ANKIB1: variants seen among roughly 807,000 people sequenced by gnomAD.
ANKIB1 encodes ankyrin repeat and IBR domain-containing protein 1.
A neutral mutation model predicts 122.1 loss-of-function variants in ANKIB1; 43 were observed. That is an observed-to-expected ratio of 0.35 (90% confidence interval 0.28 to 0.45). The LOEUF (loss-of-function observed/expected upper bound fraction) is 0.45. Among genes scored for constraint, ANKIB1 ranks in the 20% least tolerant of loss-of-function variants. The pLI, the probability that ANKIB1 is intolerant of heterozygous loss-of-function variation, is 1.00. For synonymous variants in ANKIB1, 390 were observed against 442.0 expected, an observed-to-expected ratio of 0.88 and a Z score of 1.48; for missense variants, 992 against 1,329.5, an observed-to-expected ratio of 0.75 and a Z score of 3.95.
chr7:92,383,029 A>G (rs1389219359), intron 11 of ANKIB1, among the ~76,000 whole-genome samples: 3 of 152,204 alleles, frequency 2.0e-5, no homozygotes, highest in Non-Finnish European at 4.4e-5. Context: ...GAAGAATCCA[A>G]TAGATGCAAT....
intron 1 of ANKIB1, among the ~76,000 whole-genome samples, chr7:92,289,426 A>G (rs1802202114): frequency 6.6e-6 from 1 of 152,248 alleles, no homozygotes; most frequent in Admixed American, 6.5e-5. Flanking sequence ...CTGCTGGTTT[A>G]CAGTTGAGGA....
At chr7:92,379,633 G>A (rs749632170) in intron 11 of ANKIB1, among the ~76,000 whole-genome samples, 2 of 152,168 alleles carry the variant, frequency 1.3e-5, no homozygotes, top group Non-Finnish European at 2.9e-5. Context: ...AGAAACATGA[G>A]TTATTTAAAT....
At chr7:92,353,158 A>C (rs1041746015) in intron 9 of ANKIB1, among the ~76,000 whole-genome samples, 1 of 152,206 alleles carries the variant, frequency 6.6e-6, no homozygotes, top group African/African-American at 2.4e-5. Flanking sequence ...CCTAACAAGT[A>C]AGATTTTGAT....
intron 10 of ANKIB1, 70 bp from the exon 11 acceptor site, chr7:92,371,407 G>C: frequency 3.7e-6 from 5 of 1,360,374 alleles, no homozygotes; most frequent in Middle Eastern, 1.9e-4. Context: ...AAAGTGTGGA[G>C]GGTTTTTTTT....
chr7:92,307,729 T>C (rs1802592482), intron 3 of ANKIB1, 73 bp downstream of exon 3: 1 of 1,262,126 alleles, frequency 7.9e-7, no homozygotes, highest in Non-Finnish European at 1.0e-6. Context: ...GTCAGGTTTT[T>C]TTTTTTTTGA....
At position 92,399,915 on chromosome 7, in the gene ANKIB1, C is replaced by T. The variant is rs1804981953; in HGVS notation, c.*966C>T. ...ACTGATGGGTGCAATTACTTTTAAT[C>T]GTGTTTTATAAAATAGAAAAAAAGT... On this transcript the variant is annotated 3_prime_UTR_variant, in exon 20 of 20. Transcript: ENST00000265742. 2.0e-5 allele frequency: 3 copies of T among 152,022 alleles called. No individual in the cohort carries two copies. The highest frequency in any genetic ancestry group is 6.6e-5 in the Admixed American group (1 of 15,266). The allele number at this position is 152,022 out of a possible 1,614,324, so 9.4% of individuals were successfully genotyped here. A position where few individuals can be genotyped will look rare whatever the true frequency, so the allele number is the denominator to read the frequency against.
intron 1 of ANKIB1, among the ~76,000 whole-genome samples, chr7:92,247,246 C>T (rs1665519338): frequency 6.6e-6 from 1 of 152,144 alleles, no homozygotes; most frequent in African/African-American, 2.4e-5. Flanking sequence ...AGATAAGAGT[C>T]TGCTGTTTCA....
rs531822513 is a variant in ANKIB1, at chr7:92,307,764, T to C, written c.486+108T>C. On this transcript the variant is annotated intron_variant, in intron 3 of 19. Coordinates refer to ENST00000265742, the MANE Select transcript of ANKIB1 (RefSeq NM_019004.2). ...ATTGTCTTAGTAATTTGGTCATTTT[T>C]TTTCTCTTTTGTCTTCTAAAAGACC... The C allele has an allele frequency of 7.3e-5, 68 of 934,204 alleles. No homozygotes were observed. The East Asian group carries it at 2.0e-3, about 27-fold the overall frequency. 57.9% of individuals were successfully genotyped at this position (934,204 alleles called of 1,614,324 possible). A position where few individuals can be genotyped will look rare whatever the true frequency, so the allele number is the denominator to read the frequency against.
At position 92,378,373 on chromosome 7, in the gene ANKIB1, A is replaced by G. The variant is rs138302149; in HGVS notation, c.1617+6766A>G. 2.9e-3 allele frequency among the ~76,000 whole-genome samples: 440 copies of G among 151,932 alleles called. 4 individuals carry two copies. Among genetic ancestry groups the G allele is most frequent in the African/African-American group, 0.01 (418 of 41,418 alleles). ...TTTTAGATTAGGGATGCTTCCACCTATATAAGAATGGTTCAGTATTAGGAA... is the reference window on the plus strand; with the variant it reads ...TTTTAGATTAGGGATGCTTCCACCTGTATAAGAATGGTTCAGTATTAGGAA... On this transcript the variant is annotated intron_variant, in intron 11 of 19. Coordinates refer to ENST00000265742, the MANE Select transcript of ANKIB1 (RefSeq NM_019004.2).
chr7:92,338,702 A>G (rs914610835), intron 5 of ANKIB1, among the ~76,000 whole-genome samples: 1 of 150,970 alleles, frequency 6.6e-6, no homozygotes, highest in Admixed American at 6.6e-5. Flanking sequence ...ACCTGAGGTC[A>G]GGAGTTCAAG....
chr7:92,270,633 A>T (rs758790490), intron 1 of ANKIB1, among the ~76,000 whole-genome samples: 1 of 150,690 alleles, frequency 6.6e-6, no homozygotes, highest in Non-Finnish European at 1.5e-5. Flanking sequence ...CAGTTCTGTC[A>T]CCCCAAGAAA....
rs116492966 is a variant in ANKIB1 at position 92,354,943 on chromosome 7, C to T, written c.1397+2301C>T. 3.7e-3 allele frequency among the ~76,000 whole-genome samples: 559 copies of T among 152,300 alleles called. 4 individuals carry two copies. Among genetic ancestry groups the T allele is most frequent in the African/African-American group, 0.013 (532 of 41,564 alleles). ...TAAAGATGACTACAAAAACAACAAACGACAATAATAATTTCTTCTTTTCAA... is the reference window on the plus strand; with the variant it reads ...TAAAGATGACTACAAAAACAACAAATGACAATAATAATTTCTTCTTTTCAA... On this transcript the variant is annotated intron_variant, in intron 9 of 19. Coordinates refer to ENST00000265742, the MANE Select transcript of ANKIB1 (RefSeq NM_019004.2).
At chr7:92,321,723 A>C (rs1428495047) in intron 4 of ANKIB1, among the ~76,000 whole-genome samples, 1 of 152,190 alleles carries the variant, frequency 6.6e-6, no homozygotes, top group East Asian at 1.9e-4. Flanking sequence ...TATTTTCCCC[A>C]TGGATTCCCA....
At chr7:92,264,395 A>T (rs546647634) in intron 1 of ANKIB1, among the ~76,000 whole-genome samples, 51 of 147,292 alleles carry the variant, frequency 3.5e-4, no homozygotes, top group South Asian at 1.9e-3. Context: ...GTCAATAAAA[A>T]TTTTTTTTTT....
At chr7:92,360,890 G>T (rs1803928258) in intron 9 of ANKIB1, among the ~76,000 whole-genome samples, 1 of 151,640 alleles carries the variant, frequency 6.6e-6, no homozygotes, top group Non-Finnish European at 1.5e-5. Flanking sequence ...CTCGAAATGG[G>T]GTCTTGCTCT....
At chr7:92,298,392 A>G (rs1363582744) in intron 2 of ANKIB1, among the ~76,000 whole-genome samples, 1 of 151,998 alleles carries the variant, frequency 6.6e-6, no homozygotes, top group Non-Finnish European at 1.5e-5. Context: ...AATGTATTTA[A>G]GTATTATTAT....
chr7:92,291,694 A>C (rs952927883), intron 1 of ANKIB1, among the ~76,000 whole-genome samples: 43 of 149,776 alleles, frequency 2.9e-4, no homozygotes, highest in Admixed American at 4.7e-4. Flanking sequence ...CTCCTGCCGC[A>C]GCCGCCTGAT....
chr7:92,270,667 A>G lies in ANKIB1; in HGVS notation c.-91+24148A>G, dbSNP rs1272349465. Among the ~76,000 whole-genome samples the G allele has an allele frequency of 4.7e-5, 7 of 150,456 alleles. No individual in the cohort carries two copies. The East Asian group carries it at 1.4e-3, about 30-fold the overall frequency. On this transcript the variant is annotated intron_variant, in intron 1 of 19. Coordinates refer to ENST00000265742, the MANE Select transcript of ANKIB1 (RefSeq NM_019004.2). ...AAACTCCCTTGTCCTGTCCCTGTAT[A>G]GTCGTACCCTCTGCCACTCGCTAGC...
At chr7:92,260,934 T>TA (rs1220631600) in intron 1 of ANKIB1, among the ~76,000 whole-genome samples, 5 of 152,212 alleles carry the variant, frequency 3.3e-5, no homozygotes, top group Admixed American at 6.5e-5. Flanking sequence ...CTCTGAGAAG[T>TA]ACACTTGAAA....
Sources: allele counts gnomAD v4.1 joint callset (sites outside exome capture counted in the v4.1 genomes callset), GRCh38; gene constraint gnomAD v4.1.1; transcripts MANE v1.5; gene names NCBI Gene and HGNC (gene_info 2026-07-23, HGNC 2026-07-21).